MX1: variants seen among roughly 807,000 people sequenced by gnomAD.
MX1 encodes the protein interferon-induced GTP-binding protein Mx1.
In MX1, 66 loss-of-function variants were observed where a neutral mutation model predicts 66.4. The ratio of observed to expected loss-of-function variants is 0.99; its 90% CI spans 0.82 to 1.22. The LOEUF is 1.22. MX1 is among the 50% of genes most tolerant of loss of function. MX1 has a pLI of 0.00. For missense variants in MX1, 787 were observed against 834.3 expected (o/e 0.94, Z 0.70); for synonymous variants, 311 against 318.1 (o/e 0.98, Z 0.24).
chr21:41,443,795 C>T lies in MX1; in HGVS notation c.937C>T (p.Leu313=). The T allele has an allele frequency of 1.9e-6, 3 of 1,614,178 alleles. No individual in the cohort carries two copies. The highest frequency in any genetic ancestry group is 2.5e-6 in the Non-Finnish European group (3 of 1,180,020). ...TCCTGTGTTCTCTTCTAGGGATCTG[C>T]TGGAGGAAGGAAAGGCCACGGTTCC... The part of the protein sequence containing the change: ...FENHPYFRDL[L]EEGKATVPCL... The change falls in exon 11 of 17, where the codon CTG becomes TTG. Residue 313 remains leucine, a synonymous_variant. Coordinates refer to ENST00000398598, the MANE Select transcript of MX1 (RefSeq NM_002462.5).
chr21:41,445,617 C>A, intron 12 of MX1, 47 bp downstream of exon 12: 5 of 1,608,720 alleles, frequency 3.1e-6, no homozygotes, highest in South Asian at 2.2e-5. Flanking sequence ...ATGTCATGGT[C>A]AAAAAAGGGA....
chr21:41,424,317 C>T (rs2090023966), upstream of MX1, among the ~76,000 whole-genome samples: 1 of 151,788 alleles, frequency 6.6e-6, no homozygotes, highest in African/African-American at 2.4e-5. Context: ...TTGGATGAAC[C>T]CCTTGGATGA....
chr21:41,456,244 A>G (rs1168746837), intron 16 of MX1, among the ~76,000 whole-genome samples: 1 of 152,202 alleles, frequency 6.6e-6, no homozygotes, highest in East Asian at 1.9e-4. Context: ...ACTCCATCTC[A>G]AAACAAACAA....
Position 41,445,560 on chromosome 21 carries a change from T to A in MX1, c.1121T>A (p.Phe374Tyr). 1.2e-6 allele frequency: 2 copies of A among 1,614,076 alleles called. No homozygotes were observed. Among genetic ancestry groups the A allele is most frequent in the Non-Finnish European group, 1.7e-6 (2 of 1,179,986 alleles). ...IPEDENEKMFFLIDKVNAFNQ... is the reference protein window; with the variant it reads ...IPEDENEKMFYLIDKVNAFNQ... The stretch of plus-strand genomic sequence containing the variant: ...GAAGACGAAAATGAAAAAATGTTCT[T>A]CCTGATAGATGTGAGTGTTGCCAGC... Residue 374 changes from phenylalanine (F) to tyrosine (Y), a missense_variant, in exon 12 of 17, where the codon TTC becomes TAC. Transcript: ENST00000398598.
Position 41,445,471 on chromosome 21 carries a change from T to C in MX1, c.1032T>C (p.Asn344=), listed in dbSNP as rs764567609. 2.5e-6 allele frequency: 4 copies of C among 1,613,834 alleles called. No homozygotes were observed. The East Asian group carries it at 8.9e-5, about 36-fold the overall frequency. The change falls in exon 12 of 17, where the codon AAT becomes AAC. Residue 344 remains asparagine, a synonymous_variant. Coordinates refer to ENST00000398598, the MANE Select transcript of MX1 (RefSeq NM_002462.5). ...HICKSLPLLE[N]QIKETHQRIT... is the part of the protein sequence containing the mutation. Reference sequence around the variant, plus strand: ...AGAAATCTCTGCCCCTGTTAGAAAATCAAATCAAGGAGACTCACCAGAGAA... The same window carrying C: ...AGAAATCTCTGCCCCTGTTAGAAAACCAAATCAAGGAGACTCACCAGAGAA...
At chr21:41,437,571 G>T (rs900304221) in intron 7 of MX1, among the ~76,000 whole-genome samples, 4 of 152,192 alleles carry the variant, frequency 2.6e-5, no homozygotes, top group Admixed American at 2.0e-4. Context: ...AGCCTGGGAA[G>T]TCAAGGCTGC....
chr21:41,429,628 A>G (rs779290703), intron 3 of MX1: 2 of 152,184 alleles, frequency 1.3e-5, no homozygotes, highest in South Asian at 2.1e-4. Context: ...AGTACCGTTT[A>G]CAATGGATTA....
At position 41,452,369 on chromosome 21, in the gene MX1, G is replaced by T. The variant is rs1366279335; in HGVS notation, c.1510-252G>T. Among the ~76,000 whole-genome samples, 4 of 152,326 alleles carry T rather than the reference G, an allele frequency of 2.6e-5. No homozygotes were observed. The East Asian group carries it at 7.7e-4, about 29-fold the overall frequency. On this transcript the variant is annotated intron_variant, in intron 15 of 16. Transcript: ENST00000398598. ...AGTTACGGGGCCTGAAAGCAAGCCT[G>T]TGCAGGTCCCCAGGCCCCGGGATGG...
At position 41,437,133 on chromosome 21, in the gene MX1, A is replaced by G; in HGVS notation, c.417A>G (p.Val139=). 6.2e-7 allele frequency: 1 copy of G among 1,614,012 alleles called. No homozygotes were observed. The highest frequency in any genetic ancestry group is 1.6e-4 in the Middle Eastern group (1 of 6,062). Residue 139 remains valine, a synonymous_variant, in exon 7 of 17, where the codon GTA becomes GTG. Transcript: ENST00000398598. ...TTGAGATTTCGGATGCTTCAGAGGT[A>G]GAAAAGGAAATTAATAAAGGTGAGT... ...YEIEISDASE[V]EKEINKAQNA...
At chr21:41,451,401 T>G (rs187740901) in intron 15 of MX1, among the ~76,000 whole-genome samples, 158 bp downstream of exon 15, 22 of 152,270 alleles carry the variant, frequency 1.4e-4, no homozygotes, top group Admixed American at 1.4e-3. Context: ...ATGTTACCGG[T>G]GATGTCTGGT....
chr21:41,445,820 G>C, intron 12 of MX1, 180 bp from the exon 13 acceptor site: 1 of 847,376 alleles, frequency 1.2e-6, no homozygotes, highest in Non-Finnish European at 1.8e-6. Context: ...AGATCCCTAA[G>C]GCAGTAAGGG....
chr21:41,424,111 C>T (rs1348870186), upstream of MX1, among the ~76,000 whole-genome samples: 1 of 152,210 alleles, frequency 6.6e-6, no homozygotes. Context: ...ACCTACCCTG[C>T]GTTCCCAAGG....
chr21:41,454,343 A>G (rs1183000705), intron 16 of MX1, among the ~76,000 whole-genome samples: 4 of 152,120 alleles, frequency 2.6e-5, no homozygotes, highest in Non-Finnish European at 5.9e-5. Context: ...CCTGCCTCAC[A>G]TGACTTTATA....
At chr21:41,439,621 A>G in intron 7 of MX1, 73 bp from the exon 8 acceptor site, 1 of 1,407,544 alleles carries the variant, frequency 7.1e-7, no homozygotes, top group South Asian at 1.2e-5. Flanking sequence ...AGATGCTTTC[A>G]GAGTATTCAC....
Position 41,432,395 on chromosome 21 carries a change from A to G in MX1, c.105+220A>G, listed in dbSNP as rs1159278960. ...TGGAGGTGCTGCTGGGGTTGGGGAC[A>G]CTGGCTGAGCTGTCGATGGGTTCAG... On this transcript the variant is annotated intron_variant, in intron 5 of 16. Transcript: ENST00000398598. 3.9e-5 allele frequency among the ~76,000 whole-genome samples: 6 copies of G among 152,324 alleles called. 1 individual carries two copies. In the South Asian group the frequency reaches 8.3e-4, roughly 21 times the overall value.
intron 5 of MX1, among the ~76,000 whole-genome samples, chr21:41,434,948 G>T (rs1300439514): frequency 6.6e-6 from 1 of 152,194 alleles, no homozygotes; most frequent in Non-Finnish European, 1.5e-5. Context: ...TTCCTGTAGT[G>T]CAGGTCTGCT....
chr21:41,448,930 TTG>T (rs10528033), intron 13 of MX1, among the ~76,000 whole-genome samples: 10,058 of 138,934 alleles, frequency 0.072, 642 homozygotes, highest in East Asian at 0.23. Context: ...AGATCTGGTT[TTG>T]TGTGTGTGTG....
chr21:41,420,841 C>T (rs56003111), intron 1 of MX1: 18,964 of 152,334 alleles, frequency 0.12, 1,340 homozygotes, highest in South Asian at 0.22. Flanking sequence ...GGGCCCTGCC[C>T]GCCCAGGAGC....
At position 41,449,186 on chromosome 21, in the gene MX1, T is replaced by C. The variant is rs2070229; in HGVS notation, c.1323T>C (p.Arg441=). The stretch of plus-strand genomic sequence containing the variant: ...TCCAGAAATTTGAAAATCAGTATCG[T>C]GGTAGAGAGCTGCCAGGCTTTGTGA... ...RKIQKFENQY[R]GRELPGFVNY... Residue 441 remains arginine (R), a synonymous_variant, in exon 14 of 17, where the codon CGT becomes CGC. Transcript: ENST00000398598. 0.29 allele frequency: 467,219 copies of C among 1,613,066 alleles called. 71,192 individuals are homozygous for C. The highest frequency in any genetic ancestry group is 0.52 in the African/African-American group (39,130 of 74,814).
Sources: gnomAD v4.1 joint callset for allele counts (sites outside exome capture counted in the v4.1 genomes callset) on GRCh38, gnomAD v4.1.1 for gene constraint, MANE v1.5 for transcripts, NCBI Gene and HGNC (gene_info 2026-07-23, HGNC 2026-07-21) for gene names.